The following GABRB1 variants were observed in gnomAD, a reference collection of about 807,000 sequenced individuals.
GABRB1 encodes the protein gamma-aminobutyric acid receptor subunit beta-1.
A neutral mutation model predicts 51.6 loss-of-function variants in GABRB1; 17 were observed. The ratio of observed to expected loss-of-function variants is 0.33; its 90% CI spans 0.23 to 0.49. The LOEUF (loss-of-function observed/expected upper bound fraction) is 0.49. Ranked by LOEUF, GABRB1 falls within the 20% of genes least tolerant of loss-of-function variation. The probability of loss-of-function intolerance (pLI) is 0.99; values close to 1 mark genes in which losing one functional copy is unlikely to be tolerated. For synonymous variants in GABRB1, 247 were observed against 218.9 expected, an observed-to-expected ratio of 1.13 and a Z score of -1.14; for missense variants, 410 against 600.6, an observed-to-expected ratio of 0.68 and a Z score of 3.32.
intron 3 of GABRB1, among the ~76,000 whole-genome samples, chr4:47,104,200 A>G (rs1282031466): frequency 6.6e-6 from 1 of 151,688 alleles, no homozygotes; most frequent in Non-Finnish European, 1.5e-5. Flanking sequence ...TTTTCTTCTT[A>G]TCACTTTAAA....
chr4:47,198,574 T>C (rs1719780160), intron 4 of GABRB1, among the ~76,000 whole-genome samples: 1 of 152,108 alleles, frequency 6.6e-6, no homozygotes, highest in African/African-American at 2.4e-5. Flanking sequence ...TTAAAAGTGC[T>C]AGTGTGAGGG....
At chr4:47,396,023 T>G (rs1306176104) in intron 5 of GABRB1, among the ~76,000 whole-genome samples, 3 of 152,212 alleles carry the variant, frequency 2.0e-5, no homozygotes, top group Non-Finnish European at 4.4e-5. Flanking sequence ...ATTTATAATT[T>G]AGTTAACCAC....
At chr4:47,408,048 C>T (rs10938483) in intron 8 of GABRB1, among the ~76,000 whole-genome samples, 42,036 of 152,026 alleles carry the variant, frequency 0.28, 6,207 homozygotes, top group Middle Eastern at 0.38. Flanking sequence ...GCAGAGATTG[C>T]GCCACTGCAC....
intron 5 of GABRB1, among the ~76,000 whole-genome samples, chr4:47,396,060 G>A (rs1432731885): frequency 1.3e-5 from 2 of 152,118 alleles, no homozygotes; most frequent in African/African-American, 4.8e-5. Context: ...GTATTAGTCT[G>A]TTTTCACGCT....
chr4:47,141,091 T>TAAA (rs75188109), intron 3 of GABRB1, among the ~76,000 whole-genome samples: 1 of 150,366 alleles, frequency 6.7e-6, no homozygotes, highest in South Asian at 2.1e-4. Flanking sequence ...CAGTTTTTTT[T>TAAA]AAAAAAAAAC....
At chr4:47,156,734 C>T (rs1480597280) in intron 3 of GABRB1, among the ~76,000 whole-genome samples, 5 of 151,518 alleles carry the variant, frequency 3.3e-5, no homozygotes, top group African/African-American at 9.7e-5. Flanking sequence ...TTTGGGGGAC[C>T]GAGGGGGGGC....
At chr4:47,051,176 T>G (rs762913873) in intron 3 of GABRB1, among the ~76,000 whole-genome samples, 4 of 152,166 alleles carry the variant, frequency 2.6e-5, no homozygotes, top group Admixed American at 6.5e-5. Context: ...AGACGGGGAT[T>G]TCAGAGGCTC....
chr4:47,326,720 G>A (rs1725275190), intron 5 of GABRB1, among the ~76,000 whole-genome samples: 1 of 152,078 alleles, frequency 6.6e-6, no homozygotes, highest in African/African-American at 2.4e-5. Flanking sequence ...ACCAGAAAGT[G>A]AGCCCTCACC....
At chr4:46,997,311 G>A (rs921287185) in intron 1 of GABRB1, among the ~76,000 whole-genome samples, 2 of 151,774 alleles carry the variant, frequency 1.3e-5, no homozygotes, top group Non-Finnish European at 2.9e-5. Flanking sequence ...TGTGTGTGAG[G>A]ATCGAGTACC....
chr4:47,360,292 C>T (rs771205054), intron 5 of GABRB1, among the ~76,000 whole-genome samples: 1 of 151,406 alleles, frequency 6.6e-6, no homozygotes, highest in African/African-American at 2.4e-5. Context: ...GATTGAAAAC[C>T]TAAGAAATAA....
chr4:47,347,456 A>G (rs966749415), intron 5 of GABRB1, among the ~76,000 whole-genome samples: 6 of 152,184 alleles, frequency 3.9e-5, no homozygotes, highest in Admixed American at 1.3e-4. Flanking sequence ...CAGAAGTGTG[A>G]GTATAGAAGG....
intron 3 of GABRB1, among the ~76,000 whole-genome samples, chr4:47,043,987 G>A (rs1725972854): frequency 6.6e-6 from 1 of 152,126 alleles, no homozygotes; most frequent in Admixed American, 6.6e-5. Context: ...AGAAGCTGGA[G>A]TTATTTCATA....
At chr4:47,052,829 C>G (rs1726413127) in intron 3 of GABRB1, among the ~76,000 whole-genome samples, 1 of 152,052 alleles carries the variant, frequency 6.6e-6, no homozygotes, top group African/African-American at 2.4e-5. Flanking sequence ...GATCTAAAAA[C>G]TGAAAGAAGG....
intron 4 of GABRB1, among the ~76,000 whole-genome samples, chr4:47,228,933 T>C (rs1721045450): frequency 6.6e-6 from 1 of 152,172 alleles, no homozygotes; most frequent in Non-Finnish European, 1.5e-5. Context: ...TACTACAGCA[T>C]ATATTAATTC....
intron 3 of GABRB1, among the ~76,000 whole-genome samples, chr4:47,105,946 A>G (rs1714950174): frequency 1.3e-5 from 2 of 152,114 alleles, no homozygotes; most frequent in East Asian, 1.9e-4. Context: ...ACTGGCTTGT[A>G]TAAGATCTGA....
chr4:47,316,666 A>G (rs1324743280), intron 4 of GABRB1, among the ~76,000 whole-genome samples: 1 of 151,978 alleles, frequency 6.6e-6, no homozygotes, highest in Non-Finnish European at 1.5e-5. Context: ...GTACTTCTAG[A>G]GACCAACAAT....
rs191223698 is a variant in GABRB1, at chr4:47,259,230, C to A, written c.462-60897C>A. Among the ~76,000 whole-genome samples, 52 of 152,172 alleles carry A rather than the reference C, an allele frequency of 3.4e-4. No individual in the cohort carries two copies. The East Asian group carries it at 9.3e-3, about 27-fold the overall frequency. On this transcript the variant is annotated intron_variant, in intron 4 of 8. Coordinates refer to ENST00000295454, the MANE Select transcript of GABRB1 (RefSeq NM_000812.4). ...CCTTCACATTGTGCAGAAGGTTTTC[C>A]CACACTAGTGAGAATAACGCACAGC... is the stretch of plus-strand genomic sequence containing the variant.
chr4:47,057,339 A>G (rs1247091187), intron 3 of GABRB1, among the ~76,000 whole-genome samples: 5 of 152,238 alleles, frequency 3.3e-5, no homozygotes, highest in Admixed American at 3.3e-4. Context: ...GAGTTTTTAT[A>G]CAATGTGATT....
chr4:47,173,970 T>C (rs888013929), intron 4 of GABRB1, among the ~76,000 whole-genome samples: 2 of 152,166 alleles, frequency 1.3e-5, no homozygotes, highest in African/African-American at 4.8e-5. Flanking sequence ...ATATCACAAC[T>C]ATTGTTTTTC....
Sources: gnomAD v4.1 joint callset for allele counts (sites outside exome capture counted in the v4.1 genomes callset) on GRCh38, gnomAD v4.1.1 for gene constraint, MANE v1.5 for transcripts, NCBI Gene and HGNC (gene_info 2026-07-23, HGNC 2026-07-21) for gene names.